The following HECTD4 variants were observed in gnomAD, a reference collection of about 807,000 sequenced individuals.
HECTD4 encodes the protein probable E3 ubiquitin-protein ligase HECTD4.
HECTD4 carries 114 observed loss-of-function variants against 471.5 expected under a neutral mutation model. The ratio of observed to expected loss-of-function variants is 0.24; its 90% confidence interval spans 0.21 to 0.28. The LOEUF is 0.28. Ranked by LOEUF, HECTD4 falls within the 10% of genes least tolerant of loss-of-function variation. The pLI is 1.00. For missense variants in HECTD4, 3,866 were observed against 5,651.5 expected (o/e 0.68, Z 10.13); for synonymous variants, 2,012 against 2,256.0 (o/e 0.89, Z 3.07).
chr12:112,204,348 C>T (rs1485744955), intron 53 of HECTD4, 138 bp downstream of exon 53: 22 of 810,444 alleles, frequency 2.7e-5, no homozygotes, highest in Non-Finnish European at 4.1e-5. Context: ...TCACATGGGG[C>T]GGTGTGGAAG....
chr12:112,216,293 G>C lies in HECTD4; in HGVS notation c.7464C>G (p.Pro2488=). The change falls in exon 48 of 76, where the codon CCC becomes CCG. Residue 2488 remains proline, a splice_region_variant and synonymous_variant. Transcript: ENST00000682272. The part of the protein sequence containing the change: ...KSVRLDVTLS[P]GDVAGIGWER... ...TGGAAAAGCTCCCACTGCACTCACC[G>C]GGGGAGAGAGTCACGTCTAAGCGAA... 2 of 1,546,872 alleles carry C rather than the reference G, an allele frequency of 1.3e-6. No individual in the cohort carries two copies. Among genetic ancestry groups the C allele is most frequent in the Non-Finnish European group, 1.8e-6 (2 of 1,141,778 alleles).
rs778304305 is a variant in HECTD4, at chr12:112,179,053, G to T, written c.11241C>A (p.Pro3747=). Residue 3747 remains proline (P), a synonymous_variant, in exon 64 of 76, where the codon CCC becomes CCA. Transcript: ENST00000682272. This position sits in a 1 kb window ranked among gnomAD's most constrained non-coding sequence, Gnocchi z 4.3. The part of the protein sequence containing the change: ...QILRKYGVPK[P]KFDKSKYSKA... ...TGCTGTACTTGCTCTTGTCAAACTT[G>T]GGCTTTGGCACGCCATACTTCCTCA... is the stretch of plus-strand genomic sequence containing the variant. 25 of 1,613,950 alleles carry T rather than the reference G, an allele frequency of 1.5e-5. No homozygotes were observed. Among genetic ancestry groups the T allele is most frequent in the Non-Finnish European group, 2.0e-5 (24 of 1,179,898 alleles).
intron 27 of HECTD4, 80 bp from the exon 28 acceptor site, chr12:112,247,630 CA>C: frequency 1.8e-6 from 1 of 558,454 alleles, no homozygotes; most frequent in Non-Finnish European, 3.0e-6. Flanking sequence ...CAGAAAATTT[CA>C]GAGAAAAACC....
chr12:112,314,657 T>G, intron 2 of HECTD4, 111 bp from the exon 3 acceptor site: 1 of 672,286 alleles, frequency 1.5e-6, no homozygotes, highest in Admixed American at 2.2e-5. Flanking sequence ...TGTGTCTCTC[T>G]GCTTCTGCTG....
chr12:112,241,494 C>T (rs2033641412), intron 32 of HECTD4, among the ~76,000 whole-genome samples: 2 of 152,170 alleles, frequency 1.3e-5, no homozygotes. Flanking sequence ...AGGTTTTGCT[C>T]TGTTGCCCAG....
intron 44 of HECTD4, 30 bp from the exon 45 acceptor site, chr12:112,219,519 A>G: frequency 6.5e-7 from 1 of 1,539,034 alleles, no homozygotes; most frequent in Non-Finnish European, 9.0e-7. Flanking sequence ...AATCTGTGAA[A>G]ACAACTCCCG....
intron 1 of HECTD4, among the ~76,000 whole-genome samples, chr12:112,368,746 GTC>G (rs2036613669): frequency 6.6e-6 from 1 of 152,074 alleles, no homozygotes; most frequent in African/African-American, 2.4e-5. Context: ...GGTATTTATT[GTC>G]TCTCTTATAC....
Position 112,184,536 on chromosome 12 carries a change from A to C in HECTD4, c.10430T>G (p.Leu3477Arg). ...DSMEVSTSSS[L>R]TPAMSISASA... ...GGCGCTGATGCTCATGGCGGGGGTC[A>C]GGCTGCTGGACGTGCTGACCTCCAT... is the stretch of plus-strand genomic sequence containing the variant. Residue 3477 changes from leucine (L) to arginine (R), a missense_variant, in exon 61 of 76, where the codon CTG becomes CGG. Leu to Arg is a moderately radical substitution (Grantham distance 102). Coordinates refer to ENST00000682272, the MANE Select transcript of HECTD4 (RefSeq NM_001388303.1). This position sits in a 1 kb window ranked among gnomAD's most constrained non-coding sequence, Gnocchi z 9.1. 3 of 1,610,464 alleles carry C rather than the reference A, an allele frequency of 1.9e-6. No homozygotes were observed. In the South Asian group the frequency reaches 3.3e-5, roughly 18 times the overall value.
chr12:112,284,871 C>T (rs2034717681), intron 7 of HECTD4, among the ~76,000 whole-genome samples: 1 of 152,072 alleles, frequency 6.6e-6, no homozygotes, highest in Non-Finnish European at 1.5e-5. Context: ...TGCTCTGTCA[C>T]TCAGGCTACA....
rs572399408 is a variant in HECTD4 at position 112,179,246 on chromosome 12, T to G, written c.11139A>C (p.Pro3713=). Reference sequence around the variant, plus strand: ...TGAAGAAGAGGTGGAGGAGGTTGCCTGGGGTCTGGGAGTTGATCTGCTCTT... The same window carrying G: ...TGAAGAAGAGGTGGAGGAGGTTGCCGGGGGTCTGGGAGTTGATCTGCTCTT... ...LSKEQINSQT[P]GNLLHLFFTN... Residue 3713 remains proline, a synonymous_variant, in exon 63 of 76, where the codon CCA becomes CCC. Coordinates refer to ENST00000682272, the MANE Select transcript of HECTD4 (RefSeq NM_001388303.1). The surrounding 1 kb of genome is among the most constrained non-coding windows in gnomAD (Gnocchi z 4.3). The G allele has an allele frequency of 1.9e-6, 3 of 1,613,790 alleles. No individual in the cohort carries two copies. The South Asian group carries it at 3.3e-5, about 18-fold the overall frequency.
chr12:112,263,025 T>C (rs2034184606), intron 17 of HECTD4, among the ~76,000 whole-genome samples: 1 of 152,220 alleles, frequency 6.6e-6, no homozygotes, highest in Non-Finnish European at 1.5e-5. Flanking sequence ...CATGATCATC[T>C]ACTGACTCCA....
intron 1 of HECTD4, among the ~76,000 whole-genome samples, chr12:112,364,404 C>A (rs1490152052): frequency 7.0e-6 from 1 of 143,412 alleles, no homozygotes; most frequent in Non-Finnish European, 1.5e-5. Context: ...AAGACTCTCT[C>A]TCTCAAAAAA....
intron 54 of HECTD4, 186 bp downstream of exon 54, chr12:112,203,450 G>A (rs1213287726): frequency 2.0e-6 from 1 of 512,290 alleles, no homozygotes. Context: ...TGCCAGCCCT[G>A]ATCTGAGTCC....
Position 112,240,023 on chromosome 12 carries a change from C to T in HECTD4, c.4963G>A (p.Glu1655Lys), listed in dbSNP as rs750173324. 9.3e-6 allele frequency: 15 copies of T among 1,613,632 alleles called. No homozygotes were observed. The highest frequency in any genetic ancestry group is 6.7e-5 in the Admixed American group (4 of 59,970). The part of the protein sequence containing the change: ...TMVLQGGPRI[E>K]ELTCGGMVEQ... ...ACCATCCCACCACATGTGAGTTCTT[C>T]AATTCTGTGAAAGAGAAACCAAAGC... Residue 1655 changes from glutamate (E) to lysine (K), a missense_variant, in exon 33 of 76, where the codon GAA (glutamate) becomes AAA (lysine). This residue lies in a region of HECTD4 where 229 missense variants were observed against 386.4 expected (regional missense o/e 0.59). Transcript: ENST00000682272.
At chr12:112,250,113 G>T in intron 25 of HECTD4, 31 bp downstream of exon 25, 1 of 1,518,284 alleles carries the variant, frequency 6.6e-7, no homozygotes, top group South Asian at 1.2e-5. Context: ...TTTTCCCATT[G>T]GGAAAAGTAA....
Position 112,235,646 on chromosome 12 carries a change from G to T in HECTD4, c.5583C>A (p.Ser1861Arg). The T allele has an allele frequency of 1.9e-6, 3 of 1,614,014 alleles. No homozygotes were observed. The highest frequency in any genetic ancestry group is 2.2e-5 in the East Asian group (1 of 44,886). ...QLCRAALPLM[S>R]VEDCGNVELP... ...GCTCCACGTTTCCACAGTCTTCTAC[G>T]CTCATCAGGGGCAGCGCCGCCCGGC... The change falls in exon 36 of 76, where the codon AGC becomes AGA. Residue 1861 changes from serine to arginine, a missense_variant. Coordinates refer to ENST00000682272, the MANE Select transcript of HECTD4 (RefSeq NM_001388303.1). This position sits in a 1 kb window ranked among gnomAD's most constrained non-coding sequence, Gnocchi z 5.0.
At chr12:112,202,486 A>G (rs180949527) in intron 54 of HECTD4, among the ~76,000 whole-genome samples, 117 of 152,206 alleles carry the variant, frequency 7.7e-4, no homozygotes, top group African/African-American at 2.7e-3. Context: ...GATTACAGGC[A>G]TGAGCCACCA....
chr12:112,219,476 T>C lies in HECTD4; in HGVS notation c.6984A>G (p.Ala2328=), dbSNP rs61748915. The part of the protein sequence containing the change: ...AQECSAGERL[A]VVEVQCERLR... ...GCCGTTCACACTGTACCTCCACAAC[T>C]GCAAGTCGCTCTCCTGTAGAGGGCA... Residue 2328 remains alanine (A), a synonymous_variant, in exon 45 of 76, where the codon GCA becomes GCG. Coordinates refer to ENST00000682272, the MANE Select transcript of HECTD4 (RefSeq NM_001388303.1). The C allele has an allele frequency of 2.3e-3, 3,631 of 1,613,304 alleles. 12 individuals are homozygous for C. The highest frequency in any genetic ancestry group is 2.3e-3 in the Non-Finnish European group (2,684 of 1,179,438).
chr12:112,221,806 G>A (rs1016910509), intron 44 of HECTD4, among the ~76,000 whole-genome samples: 19 of 151,380 alleles, frequency 1.3e-4, no homozygotes, highest in African/African-American at 4.6e-4. Context: ...CCAGGCTGGA[G>A]TGCAACGGCA....
Sources: gnomAD v4.1 joint callset for allele counts (sites outside exome capture counted in the v4.1 genomes callset) on GRCh38, gnomAD v4.1.1 for gene constraint, gnomAD v4.1.1 regional missense constraint, Gnocchi (gnomAD v3.1) non-coding constraint, MANE v1.5 for transcripts, NCBI Gene and HGNC (gene_info 2026-07-23, HGNC 2026-07-21) for gene names.